The following DAB1 variants were observed in gnomAD, a reference collection of about 807,000 sequenced individuals.
DAB1 encodes the protein disabled homolog 1.
In DAB1, 15 loss-of-function variants were observed where a neutral mutation model predicts 64.6. The ratio of observed to expected loss-of-function variants is 0.23; its 90% CI spans 0.16 to 0.36. The LOEUF is 0.36. Ranked by LOEUF, DAB1 falls within the 10% of genes least tolerant of loss-of-function variation. The pLI, the probability that DAB1 is intolerant of heterozygous loss-of-function variation, is 1.00. For missense variants in DAB1, 596 were observed against 706.7 expected (o/e 0.84, Z 1.78); for synonymous variants, 235 against 251.9 (o/e 0.93, Z 0.64).
chr1:57,319,963 T>C (rs1675561214), intron 1 of DAB1, among the ~76,000 whole-genome samples: 3 of 152,232 alleles, frequency 2.0e-5, no homozygotes, highest in African/African-American at 2.4e-5. Context: ...AATCTAAGGA[T>C]GGCACAGGGC....
chr1:57,702,944 T>C (rs1646924003), intron 6 of DAB1, among the ~76,000 whole-genome samples: 2 of 152,132 alleles, frequency 1.3e-5, no homozygotes. Flanking sequence ...GGGGAAAGGA[T>C]TCCTTATTCA....
intron 6 of DAB1, among the ~76,000 whole-genome samples, chr1:57,808,361 G>A (rs979436808): frequency 6.6e-6 from 1 of 152,142 alleles, no homozygotes; most frequent in African/African-American, 2.4e-5. Context: ...GCTTGTCAGA[G>A]CACTCGGTAC....
intron 2 of DAB1, among the ~76,000 whole-genome samples, chr1:57,247,848 T>A (rs1669004584): frequency 6.6e-6 from 1 of 152,204 alleles, no homozygotes; most frequent in Non-Finnish European, 1.5e-5. Flanking sequence ...ACCAGCCCCA[T>A]GAAAACCTTG....
intron 3 of DAB1, among the ~76,000 whole-genome samples, chr1:58,436,842 T>C (rs1038709055): frequency 6.6e-6 from 1 of 152,212 alleles, no homozygotes; most frequent in Non-Finnish European, 1.5e-5. Flanking sequence ...GTGAATGGTA[T>C]TGCTACCCCC....
At chr1:57,802,414 A>G (rs1004368048) in intron 6 of DAB1, among the ~76,000 whole-genome samples, 5 of 152,222 alleles carry the variant, frequency 3.3e-5, no homozygotes, top group Non-Finnish European at 7.3e-5. Flanking sequence ...ACAGAGATCA[A>G]CACCTAAAGG....
intron 1 of DAB1, among the ~76,000 whole-genome samples, chr1:58,535,241 T>C (rs1433296271): frequency 6.6e-6 from 1 of 152,324 alleles, no homozygotes; most frequent in Admixed American, 6.5e-5. Flanking sequence ...TCAAGTGTAC[T>C]GAGAAAATTA....
intron 4 of DAB1, among the ~76,000 whole-genome samples, chr1:58,183,446 A>G (rs1051040323): frequency 7.3e-5 from 11 of 151,110 alleles, no homozygotes; most frequent in Admixed American, 3.9e-4. Flanking sequence ...TTATCAAGGT[A>G]CACAATGGCT....
chr1:57,995,787 G>C (rs1045689747), intron 5 of DAB1, among the ~76,000 whole-genome samples: 1 of 151,636 alleles, frequency 6.6e-6, no homozygotes, highest in South Asian at 2.1e-4. Context: ...GGCCAGCAGG[G>C]GTCTTTAAAT....
intron 4 of DAB1, among the ~76,000 whole-genome samples, chr1:57,125,988 G>A (rs956377131): frequency 2.6e-5 from 4 of 152,102 alleles, no homozygotes; most frequent in African/African-American, 9.7e-5. Flanking sequence ...CACATGCCAG[G>A]AGGTAGGAGA....
intron 5 of DAB1, among the ~76,000 whole-genome samples, chr1:57,913,748 G>C (rs1160726394): frequency 6.7e-6 from 1 of 149,130 alleles, no homozygotes; most frequent in African/African-American, 2.5e-5. Flanking sequence ...AAATTTACAA[G>C]AAAAAAACAA....
At chr1:57,812,275 G>T (rs1651659165) in intron 6 of DAB1, among the ~76,000 whole-genome samples, 1 of 137,524 alleles carries the variant, frequency 7.3e-6, no homozygotes, top group South Asian at 2.3e-4. Flanking sequence ...CTCCTTTCCA[G>T]CCACCCAAGT....
At chr1:58,088,389 AG>A (rs1340220068) in intron 5 of DAB1, among the ~76,000 whole-genome samples, 3 of 152,212 alleles carry the variant, frequency 2.0e-5, no homozygotes, top group Non-Finnish European at 4.4e-5. Flanking sequence ...GCTGTGTGCT[AG>A]GTATTGTGGC....
intron 2 of DAB1, among the ~76,000 whole-genome samples, chr1:57,212,278 G>C (rs1224790656): frequency 6.6e-6 from 1 of 151,558 alleles, no homozygotes; most frequent in African/African-American, 2.4e-5. Flanking sequence ...GTTAGAGAAA[G>C]GGGCTGGATA....
At chr1:58,157,254 C>G (rs1655275177) in intron 4 of DAB1, among the ~76,000 whole-genome samples, 1 of 152,154 alleles carries the variant, frequency 6.6e-6, no homozygotes, top group East Asian at 1.9e-4. Context: ...TATTTCAGCC[C>G]CCCTCTGCTG....
intron 6 of DAB1, among the ~76,000 whole-genome samples, chr1:57,697,422 TAAAAAAAAAAAAAAAAA>T (rs56655539): frequency 3.5e-5 from 2 of 57,870 alleles, no homozygotes; most frequent in Admixed American, 4.8e-4. Flanking sequence ...CTCACGTTTC[TAAAAAAAAAAAAAAAAA>T]AAAAAAAAAA....
chr1:57,558,530 C>G (rs1405955971), intron 7 of DAB1, among the ~76,000 whole-genome samples: 1 of 152,110 alleles, frequency 6.6e-6, no homozygotes, highest in African/African-American at 2.4e-5. Flanking sequence ...GGAATGGATA[C>G]TGCTTGAGTT....
chr1:57,765,723 C>T (rs1037262847), intron 6 of DAB1, among the ~76,000 whole-genome samples: 5 of 152,208 alleles, frequency 3.3e-5, no homozygotes, highest in Non-Finnish European at 7.4e-5. Flanking sequence ...ATACAGCACA[C>T]TCTTCACTTG....
upstream of DAB1, among the ~76,000 whole-genome samples, chr1:57,885,933 A>G (rs1369714509): frequency 6.6e-6 from 1 of 152,254 alleles, no homozygotes; most frequent in African/African-American, 2.4e-5. Flanking sequence ...ATAATTAATT[A>G]CAAGCAATTT....
At chr1:57,421,902 C>CGGGGGGGGGGGGGGGGGGG (rs1309675216) in intron 1 of DAB1, among the ~76,000 whole-genome samples, 4 of 11,710 alleles carry the variant, frequency 3.4e-4, no homozygotes, top group Admixed American at 2.4e-3. Context: ...TGGGGGGTGG[C>CGGGGGGGGGGGGGGGGGGG]GGGGGGGGGG....
Sources: gnomAD v4.1 joint callset for allele counts (sites outside exome capture counted in the v4.1 genomes callset) on GRCh38, gnomAD v4.1.1 for gene constraint, MANE v1.5 for transcripts, NCBI Gene and HGNC (gene_info 2026-07-23, HGNC 2026-07-21) for gene names.